Variants in TENM2 observed in about 807,000 individuals in gnomAD.
The protein encoded by TENM2 is teneurin-2.
TENM2 carries 52 observed loss-of-function variants against 245.2 expected under a neutral mutation model. The ratio of observed to expected loss-of-function variants is 0.21; its 90% CI spans 0.17 to 0.27. TENM2 has a LOEUF of 0.27. Among genes scored for constraint, TENM2 ranks in the 10% least tolerant of loss-of-function variants. The pLI is 1.00. For synonymous variants in TENM2, 1,363 were observed against 1,438.9 expected (o/e 0.95, Z 1.19); for missense variants, 3,046 against 3,666.8 (o/e 0.83, Z 4.37).
At chr5:167,546,515 G>A (rs559974684) in intron 2 of TENM2, among the ~76,000 whole-genome samples, 115 of 152,298 alleles carry the variant, frequency 7.6e-4, no homozygotes, top group Middle Eastern at 3.4e-3. Flanking sequence ...GATGACTAAC[G>A]CTAAGTCTTT....
the TENM2 span, among the ~76,000 whole-genome samples, chr5:167,131,656 G>A: frequency 4.6e-5 from 7 of 152,072 alleles, no homozygotes; most frequent in African/African-American, 1.7e-4. Context: ...AGAAGGTGAG[G>A]AATAGGAGAG....
At chr5:167,262,835 G>A in the TENM2 span, among the ~76,000 whole-genome samples, 1 of 152,058 alleles carries the variant, frequency 6.6e-6, no homozygotes, top group Non-Finnish European at 1.5e-5. Context: ...TCACAAAAAT[G>A]CCATAGACTG....
intron 7 of TENM2, among the ~76,000 whole-genome samples, chr5:168,088,022 G>A (rs767983170): frequency 1.3e-5 from 2 of 152,168 alleles, no homozygotes; most frequent in Non-Finnish European, 2.9e-5. Flanking sequence ...TCTTCTTAGA[G>A]TAATTTACTG....
intron 2 of TENM2, among the ~76,000 whole-genome samples, chr5:167,380,790 TTTACTGCGAAGGCAGTAAAA>T (rs1363593975): frequency 6.6e-6 from 1 of 152,196 alleles, no homozygotes; most frequent in Non-Finnish European, 1.5e-5. Context: ...AGTTGCTCTT[TTTACTGCGAAGGCAGTAAAA>T]TGGTAAGAAG....
At chr5:167,901,084 T>A (rs1033564052) in intron 3 of TENM2, among the ~76,000 whole-genome samples, 11 of 152,188 alleles carry the variant, frequency 7.2e-5, no homozygotes, top group Non-Finnish European at 1.6e-4. Flanking sequence ...ATAATTGGAA[T>A]ATGCATGTGC....
At chr5:167,489,236 C>T (rs1278256557) in intron 2 of TENM2, among the ~76,000 whole-genome samples, 1 of 152,212 alleles carries the variant, frequency 6.6e-6, no homozygotes, top group Non-Finnish European at 1.5e-5. Context: ...CTGTTGCACT[C>T]AAAGTAAGGG....
intron 1 of TENM2, among the ~76,000 whole-genome samples, chr5:167,325,629 C>G (rs763298419): frequency 6.6e-6 from 1 of 152,202 alleles, no homozygotes; most frequent in Non-Finnish European, 1.5e-5. Context: ...CTAATTATAT[C>G]TTGTGGATTT....
chr5:167,438,358 A>G (rs771519984), intron 2 of TENM2, among the ~76,000 whole-genome samples: 2 of 152,208 alleles, frequency 1.3e-5, no homozygotes, highest in Non-Finnish European at 2.9e-5. Context: ...AGACATATAC[A>G]CAAAACAGTT....
intron 2 of TENM2, among the ~76,000 whole-genome samples, chr5:167,503,090 G>A (rs1171922520): frequency 2.0e-5 from 3 of 151,990 alleles, no homozygotes; most frequent in Admixed American, 2.0e-4. Flanking sequence ...GCCTCCTAAA[G>A]TGCTGGGATT....
chr5:167,889,882 A>T (rs1194740380), intron 3 of TENM2, among the ~76,000 whole-genome samples: 1 of 152,186 alleles, frequency 6.6e-6, no homozygotes, highest in Non-Finnish European at 1.5e-5. Context: ...TTGTGAAAAT[A>T]ATTCACAGGG....
At chr5:167,685,619 C>A (rs1417362006) in intron 2 of TENM2, among the ~76,000 whole-genome samples, 1 of 152,104 alleles carries the variant, frequency 6.6e-6, no homozygotes, top group Admixed American at 6.5e-5. Context: ...TCTACCTGTT[C>A]CCAATGTGTG....
chr5:167,282,959 C>T (rs1165372776), upstream of TENM2, among the ~76,000 whole-genome samples: 1 of 152,126 alleles, frequency 6.6e-6, no homozygotes, highest in Non-Finnish European at 1.5e-5. Context: ...CTCCAGAGTC[C>T]AGCAAGCTAG....
intron 7 of TENM2, among the ~76,000 whole-genome samples, chr5:168,086,197 G>A (rs1417897330): frequency 2.0e-5 from 3 of 152,072 alleles, no homozygotes; most frequent in Non-Finnish European, 2.9e-5. Flanking sequence ...TTCCCTTCTG[G>A]GAAAGTAACA....
chr5:167,343,451 A>G (rs563102959), intron 1 of TENM2, among the ~76,000 whole-genome samples: 1 of 152,186 alleles, frequency 6.6e-6, no homozygotes, highest in Non-Finnish European at 1.5e-5. Flanking sequence ...CCCATACAGT[A>G]TGGAGAAGAA....
intron 3 of TENM2, among the ~76,000 whole-genome samples, chr5:167,894,839 A>G (rs1359962368): frequency 6.6e-6 from 1 of 152,102 alleles, no homozygotes; most frequent in Admixed American, 6.5e-5. Flanking sequence ...AAAAACTCAA[A>G]ACAAAGGTGA....
Position 168,226,281 on chromosome 5 carries a change from C to T in TENM2, c.5284+18C>T, listed in dbSNP as rs1332179179. 1 of 1,606,854 alleles carries T rather than the reference C, an allele frequency of 6.2e-7. No homozygotes were observed. Among genetic ancestry groups the T allele is most frequent in the Non-Finnish European group, 8.5e-7 (1 of 1,175,288 alleles). The stretch of plus-strand genomic sequence containing the variant: ...GGTACAAGGTGAGCCTCCACCCATA[C>T]CATCCTACCCCCAAACTCACCCATA... On this transcript the variant is annotated intron_variant, in intron 24 of 28. Coordinates refer to ENST00000518659, the Ensembl canonical transcript of TENM2.
the TENM2 span, among the ~76,000 whole-genome samples, chr5:167,207,620 T>A: frequency 6.6e-6 from 1 of 152,212 alleles, no homozygotes; most frequent in Non-Finnish European, 1.5e-5. Context: ...TCCTCTCTGT[T>A]CCAGGCACTC....
the TENM2 span, among the ~76,000 whole-genome samples, chr5:167,264,454 A>T: frequency 6.6e-6 from 1 of 152,138 alleles, no homozygotes; most frequent in African/African-American, 2.4e-5. Context: ...AAATATATTC[A>T]TGAGTGATTT....
At chr5:167,811,445 A>C (rs1293524556) in intron 2 of TENM2, among the ~76,000 whole-genome samples, 1 of 152,082 alleles carries the variant, frequency 6.6e-6, no homozygotes, top group East Asian at 1.9e-4. Flanking sequence ...ACCTTCTGCC[A>C]TAAGTAAAAG....
Sources: gnomAD v4.1 joint callset for allele counts (sites outside exome capture counted in the v4.1 genomes callset) on GRCh38, gnomAD v4.1.1 for gene constraint, MANE v1.5 for transcripts, NCBI Gene and HGNC (gene_info 2026-07-23, HGNC 2026-07-21) for gene names.